Variants in PEAK1 observed in about 807,000 individuals in gnomAD.
The protein encoded by PEAK1 is pseudopodium enriched atypical kinase 1.
PEAK1 carries 54 observed loss-of-function variants against 124.7 expected under a neutral mutation model. That is an observed-to-expected ratio of 0.43 (90% CI 0.35 to 0.54). PEAK1 has a LOEUF of 0.54. Ranked by LOEUF, PEAK1 falls within the 20% of genes least tolerant of loss-of-function variation. PEAK1 has a pLI of 0.01. For missense variants in PEAK1, 2,046 were observed against 2,134.5 expected (o/e 0.96, Z 0.82); for synonymous variants, 719 against 760.0 (o/e 0.95, Z 0.89).
chr15:77,161,017 C>T (rs916785415), intron 7 of PEAK1, among the ~76,000 whole-genome samples: 86 of 152,282 alleles, frequency 5.6e-4, no homozygotes, highest in Middle Eastern at 3.4e-3. Flanking sequence ...ACTCCCTGGG[C>T]CCGCTGCACA....
At chr15:77,216,835 G>A (rs2059169288) in intron 6 of PEAK1, among the ~76,000 whole-genome samples, 1 of 152,168 alleles carries the variant, frequency 6.6e-6, no homozygotes, top group Non-Finnish European at 1.5e-5. Context: ...GCGGACAAGA[G>A]CAGAGATTTT....
At chr15:77,316,489 T>G (rs2064882017) in intron 2 of PEAK1, among the ~76,000 whole-genome samples, 1 of 152,222 alleles carries the variant, frequency 6.6e-6, no homozygotes, top group Non-Finnish European at 1.5e-5. Context: ...AGGTTAAGTC[T>G]CTCTAATAAG....
chr15:77,314,575 G>A (rs2064753553), intron 2 of PEAK1, among the ~76,000 whole-genome samples: 1 of 151,878 alleles, frequency 6.6e-6, no homozygotes, highest in South Asian at 2.1e-4. Context: ...TCACCATGCT[G>A]GTCAGGATGG....
chr15:77,304,349 G>C (rs1426056061), intron 2 of PEAK1, among the ~76,000 whole-genome samples: 1 of 151,298 alleles, frequency 6.6e-6, no homozygotes, highest in African/African-American at 2.4e-5. Context: ...TGTTTGATTA[G>C]TGCATTGTAG....
chr15:77,361,518 T>C (rs1342658695), intron 2 of PEAK1, among the ~76,000 whole-genome samples: 1 of 152,080 alleles, frequency 6.6e-6, no homozygotes, highest in Non-Finnish European at 1.5e-5. Context: ...AAAAACCACA[T>C]TGAGGTATCA....
chr15:77,403,089 T>C (rs1459006096), intron 1 of PEAK1: 1 of 985,168 alleles, frequency 1.0e-6, no homozygotes, highest in Non-Finnish European at 1.2e-6. Context: ...ATTATAGAAA[T>C]AAGAAACCCT....
At chr15:77,417,658 G>A in intron 1 of PEAK1, 1 of 985,406 alleles carries the variant, frequency 1.0e-6, no homozygotes. Flanking sequence ...CAACAAAAGG[G>A]TATGATTTGG....
At chr15:77,256,454 G>A (rs2061139488) in intron 5 of PEAK1, among the ~76,000 whole-genome samples, 1 of 151,870 alleles carries the variant, frequency 6.6e-6, no homozygotes, top group East Asian at 1.9e-4. Context: ...TGGTCTACTA[G>A]GAATCTGATA....
intron 7 of PEAK1, among the ~76,000 whole-genome samples, chr15:77,172,026 G>A (rs2056547930): frequency 6.6e-6 from 1 of 152,116 alleles, no homozygotes; most frequent in Non-Finnish European, 1.5e-5. Context: ...GCGGAAAAAG[G>A]AGGAGTATTT....
chr15:77,407,366 A>C (rs560942222), intron 1 of PEAK1, among the ~76,000 whole-genome samples: 2 of 152,216 alleles, frequency 1.3e-5, no homozygotes, highest in African/African-American at 2.4e-5. Context: ...TTCACAAACT[A>C]TGCATCCGAC....
chr15:77,164,636 C>A (rs149962401), intron 7 of PEAK1, among the ~76,000 whole-genome samples: 135 of 152,276 alleles, frequency 8.9e-4, no homozygotes, highest in Non-Finnish European at 1.8e-3. Context: ...CTATGAAATA[C>A]AAAGTCAGAA....
chr15:77,156,459 T>G (rs983223265), intron 8 of PEAK1: 2 of 153,542 alleles, frequency 1.3e-5, no homozygotes, highest in African/African-American at 4.8e-5. Flanking sequence ...CCGAGTGAGG[T>G]AGTGCCTCGC....
intron 6 of PEAK1, among the ~76,000 whole-genome samples, chr15:77,222,622 T>C (rs1454367367): frequency 6.6e-6 from 1 of 151,952 alleles, no homozygotes; most frequent in Non-Finnish European, 1.5e-5. Flanking sequence ...TCTCTGTTAA[T>C]CAACTGGTCT....
chr15:77,229,860 T>A (rs2059831746), intron 6 of PEAK1, among the ~76,000 whole-genome samples: 1 of 152,140 alleles, frequency 6.6e-6, no homozygotes, highest in South Asian at 2.1e-4. Context: ...TTGGTCAGGC[T>A]GGTCTCACAC....
chr15:77,176,652 G>A (rs1244438479), intron 7 of PEAK1, among the ~76,000 whole-genome samples: 1 of 152,198 alleles, frequency 6.6e-6, no homozygotes, highest in African/African-American at 2.4e-5. Flanking sequence ...CATTTTGGAA[G>A]ACCTGACTGG....
At chr15:77,213,717 G>A (rs975616054) in intron 6 of PEAK1, among the ~76,000 whole-genome samples, 1 of 151,914 alleles carries the variant, frequency 6.6e-6, no homozygotes, top group Non-Finnish European at 1.5e-5. Flanking sequence ...ACAAAAAATA[G>A]GTGGCACAAA....
At chr15:77,324,335 G>A (rs2065432663) in intron 2 of PEAK1, among the ~76,000 whole-genome samples, 1 of 152,038 alleles carries the variant, frequency 6.6e-6, no homozygotes, top group South Asian at 2.1e-4. Context: ...CAAAAAATTA[G>A]CTGGGCATAG....
intron 6 of PEAK1, among the ~76,000 whole-genome samples, chr15:77,222,036 G>C (rs987010594): frequency 1.3e-5 from 2 of 151,960 alleles, no homozygotes; most frequent in Non-Finnish European, 2.9e-5. Context: ...GGATGGAATG[G>C]AATTAATTCT....
At chr15:77,167,347 A>G (rs567973832) in intron 7 of PEAK1, among the ~76,000 whole-genome samples, 1 of 152,344 alleles carries the variant, frequency 6.6e-6, no homozygotes, top group African/African-American at 2.4e-5. Context: ...AAAAGAAACA[A>G]AGCTGTCTGA....
Sources: allele counts gnomAD v4.1 joint callset (sites outside exome capture counted in the v4.1 genomes callset), GRCh38; gene constraint gnomAD v4.1.1; transcripts MANE v1.5; gene names NCBI Gene and HGNC (gene_info 2026-07-23, HGNC 2026-07-21).